FLI1: variants seen among roughly 807,000 people sequenced by gnomAD.
The protein encoded by FLI1 is Friend leukemia integration 1 transcription factor.
Under a neutral mutation model 53.1 loss-of-function variants are expected in FLI1, and 13 were observed. That is an observed-to-expected ratio of 0.24 (90% CI 0.16 to 0.39). The LOEUF (loss-of-function observed/expected upper bound fraction) is 0.39. FLI1 is among the 10% of genes least tolerant of loss of function. The pLI, the probability that FLI1 is intolerant of heterozygous loss-of-function variation, is 1.00. For synonymous variants in FLI1, 244 were observed against 236.7 expected (o/e 1.03, Z -0.28); for missense variants, 424 against 600.5 (o/e 0.71, Z 3.07).
intron 2 of FLI1, 133 bp from the exon 3 acceptor site, chr11:128,767,985 C>A: frequency 1.4e-6 from 1 of 715,936 alleles, no homozygotes; most frequent in African/African-American, 1.8e-5. Flanking sequence ...GCATCATCAT[C>A]ATCATGACAC....
At chr11:128,703,758 G>A (rs547965526) in intron 1 of FLI1, among the ~76,000 whole-genome samples, 14 of 143,960 alleles carry the variant, frequency 9.7e-5, no homozygotes, top group African/African-American at 3.1e-4. Flanking sequence ...CAGGAGAATC[G>A]CTTGAACCCA....
At chr11:128,745,128 C>T (rs963753253) in intron 1 of FLI1, among the ~76,000 whole-genome samples, 3 of 151,914 alleles carry the variant, frequency 2.0e-5, no homozygotes, top group Admixed American at 6.6e-5. Context: ...AGAGTGCAGG[C>T]GAGAAAGAGG....
chr11:128,810,538 G>A lies in FLI1; in HGVS notation c.909G>A (p.Glu303=), dbSNP rs777080800. The A allele has an allele frequency of 3.7e-6, 6 of 1,611,882 alleles. No individual in the cohort carries two copies. The highest frequency in any genetic ancestry group is 5.1e-6 in the Non-Finnish European group (6 of 1,179,022). The part of the protein sequence containing the change: ...DSANASCITW[E]GTNGEFKMTD... ...CCAACGCCAGCTGTATCACCTGGGA[G>A]GGGACCAACGGGGAGTTCAAAATGA... Residue 303 remains glutamate (E), a synonymous_variant, in exon 9 of 9, where the codon GAG becomes GAA. Coordinates refer to ENST00000527786, the MANE Select transcript of FLI1 (RefSeq NM_002017.5). The surrounding 1 kb of genome is among the most constrained non-coding windows in gnomAD (Gnocchi z 6.6).
At chr11:128,723,461 G>C (rs1565466898) in intron 1 of FLI1, among the ~76,000 whole-genome samples, 1 of 152,106 alleles carries the variant, frequency 6.6e-6, no homozygotes, top group Non-Finnish European at 1.5e-5. Flanking sequence ...AACACTATGG[G>C]TAATCTTAGG....
chr11:128,787,651 C>T (rs1391539025), intron 5 of FLI1, among the ~76,000 whole-genome samples: 1 of 151,986 alleles, frequency 6.6e-6, no homozygotes, highest in Non-Finnish European at 1.5e-5. Context: ...TTGTAGTGCC[C>T]CTTCAGGGAT....
chr11:128,756,814 G>A (rs910268671), intron 1 of FLI1, among the ~76,000 whole-genome samples: 1 of 152,202 alleles, frequency 6.6e-6, no homozygotes, highest in Non-Finnish European at 1.5e-5. Flanking sequence ...GTGATTCGAT[G>A]AGACATGGAA....
chr11:128,732,624 A>T (rs957878044), intron 1 of FLI1, among the ~76,000 whole-genome samples: 2 of 152,242 alleles, frequency 1.3e-5, no homozygotes, highest in Non-Finnish European at 2.9e-5. Context: ...TTAAGGCCGG[A>T]TAGATACAAG....
At chr11:128,738,301 CT>C (rs1180996194) in intron 1 of FLI1, among the ~76,000 whole-genome samples, 2 of 152,218 alleles carry the variant, frequency 1.3e-5, no homozygotes, top group African/African-American at 2.4e-5. Flanking sequence ...TCCACATCTG[CT>C]TTTTGCTAAT....
At chr11:128,691,851 C>A (rs1247687556), upstream of FLI1, 1 of 152,178 alleles carries the variant, frequency 6.6e-6, no homozygotes, top group Non-Finnish European at 1.5e-5. Flanking sequence ...GAAAGAGAAA[C>A]CTAGCCATGG....
intron 1 of FLI1, among the ~76,000 whole-genome samples, chr11:128,700,910 A>C (rs1054536903): frequency 6.6e-6 from 1 of 152,220 alleles, no homozygotes; most frequent in African/African-American, 2.4e-5. Flanking sequence ...CATGTATAGA[A>C]AGGAGGAATG....
intron 4 of FLI1, among the ~76,000 whole-genome samples, chr11:128,776,921 C>T (rs1245058425): frequency 6.6e-6 from 1 of 150,940 alleles, no homozygotes; most frequent in African/African-American, 2.4e-5. Flanking sequence ...CCGGCCACTT[C>T]CCCCACAGCA....
chr11:128,800,835 G>T (rs1179618954), intron 5 of FLI1, among the ~76,000 whole-genome samples: 3 of 152,220 alleles, frequency 2.0e-5, no homozygotes, highest in Admixed American at 1.3e-4. Context: ...GCTTTGGCAA[G>T]AGTTGATCTC....
chr11:128,716,021 C>T (rs1213580446), intron 1 of FLI1, among the ~76,000 whole-genome samples: 1 of 152,188 alleles, frequency 6.6e-6, no homozygotes, highest in Non-Finnish European at 1.5e-5. Context: ...TCCTTAATTT[C>T]ATCTGGGGAA....
intron 5 of FLI1, among the ~76,000 whole-genome samples, chr11:128,783,326 A>G (rs982009488): frequency 6.6e-6 from 1 of 152,252 alleles, no homozygotes; most frequent in East Asian, 1.9e-4. Context: ...ATCACACAGC[A>G]CTTTGTGTTT....
chr11:128,712,093 G>A (rs1217848455), intron 1 of FLI1, among the ~76,000 whole-genome samples: 4 of 152,140 alleles, frequency 2.6e-5, no homozygotes, highest in African/African-American at 9.7e-5. Flanking sequence ...CCTGGTGGGA[G>A]GTGATTAGAT....
In FLI1 at chr11:128,811,514, A is replaced by G. The variant is rs1942936086; in HGVS notation, c.*526A>G. 4.3e-6 allele frequency: 1 copy of G among 230,780 alleles called. No individual in the cohort carries two copies. The highest frequency in any genetic ancestry group is 8.5e-6 in the Non-Finnish European group (1 of 117,426). The allele number at this position is 230,780 out of a possible 1,614,324, so 14.3% of individuals were successfully genotyped here. A position where few individuals can be genotyped will look rare whatever the true frequency, so the allele number is the denominator to read the frequency against. Reference sequence around the variant, plus strand: ...GTAAGGCCAGTGAAGTTTTCACCCAACTGGAATTTGATGGAAAGAAGGTTT... The same window carrying G: ...GTAAGGCCAGTGAAGTTTTCACCCAGCTGGAATTTGATGGAAAGAAGGTTT... On this transcript the variant is annotated 3_prime_UTR_variant, in exon 9 of 9. Transcript: ENST00000527786.
chr11:128,764,957 G>C, intron 2 of FLI1: 1 of 982,288 alleles, frequency 1.0e-6, no homozygotes, highest in South Asian at 1.4e-5. Context: ...CTGGGACCGA[G>C]GACAGGGCCA....
Position 128,758,318 on chromosome 11 carries a change from T to A in FLI1, c.222T>A (p.Asn74Lys). 4 of 1,612,734 alleles carry A rather than the reference T, an allele frequency of 2.5e-6. No individual in the cohort carries two copies. The South Asian group carries it at 4.4e-5, about 18-fold the overall frequency. ...VNVKREYDHM[N>K]GSRESPVDCS... The stretch of plus-strand genomic sequence containing the variant: ...TCAAGCGGGAGTATGACCACATGAA[T>A]GGATCCAGGTAAGCTCACCAGGCCT... Residue 74 changes from asparagine (N) to lysine (K), a missense_variant, in exon 2 of 9, where the codon AAT becomes AAA. Coordinates refer to ENST00000527786, the MANE Select transcript of FLI1 (RefSeq NM_002017.5).
chr11:128,780,300 C>G (rs1337562733), intron 4 of FLI1, among the ~76,000 whole-genome samples: 1 of 152,204 alleles, frequency 6.6e-6, no homozygotes, highest in Non-Finnish European at 1.5e-5. Context: ...CAGTCATATT[C>G]TAGGCAATTG....
Sources: allele counts gnomAD v4.1 joint callset (sites outside exome capture counted in the v4.1 genomes callset), GRCh38; gene constraint gnomAD v4.1.1; non-coding constraint Gnocchi (gnomAD v3.1); transcripts MANE v1.5; gene names NCBI Gene and HGNC (gene_info 2026-07-23, HGNC 2026-07-21).